Variants in PGS1 observed in about 807,000 individuals in gnomAD.
PGS1 encodes phosphatidylglycerophosphate synthase 1.
In PGS1, 44 loss-of-function variants were observed where a neutral mutation model predicts 58.3. The observed-to-expected ratio is 0.75, with a 90% CI of 0.59 to 0.97. PGS1 has a LOEUF of 0.97. PGS1 is among the 50% of genes least tolerant of loss of function. The pLI, the probability that PGS1 is intolerant of heterozygous loss-of-function variation, is 0.00. For missense variants in PGS1, 684 were observed against 731.1 expected (o/e 0.94, Z 0.74); for synonymous variants, 330 against 311.0 (o/e 1.06, Z -0.64).
intron 1 of PGS1, among the ~76,000 whole-genome samples, chr17:78,387,380 A>G (rs1189013515): frequency 6.9e-6 from 1 of 145,636 alleles, no homozygotes; most frequent in Non-Finnish European, 1.5e-5. Flanking sequence ...GCTCACTGCA[A>G]CCTCCGCCTC....
At chr17:78,396,185 A>C (rs1218352839) in intron 2 of PGS1, 123 bp from the exon 3 acceptor site, 1 of 718,042 alleles carries the variant, frequency 1.4e-6, no homozygotes, top group East Asian at 2.6e-5. Flanking sequence ...TTAAATATTA[A>C]TTGGTGAAGA....
At chr17:78,415,170 T>TC (rs1320478769) in intron 8 of PGS1, 143 bp downstream of exon 8, 2 of 927,722 alleles carry the variant, frequency 2.2e-6, no homozygotes, top group Non-Finnish European at 3.2e-6. Context: ...ACTCTGGGTC[T>TC]CCAAGAGTGC....
At position 78,403,661 on chromosome 17, in the gene PGS1, C is replaced by G. The variant is rs756905134; in HGVS notation, c.974C>G (p.Thr325Ser). Residue 325 changes from threonine to serine, a missense_variant, in exon 7 of 10, where the codon ACC (threonine) becomes AGC (serine). Transcript: ENST00000262764. Reference sequence around the variant, plus strand: ...CGCCAGCAGATGCTGCATGCCCAGACCTTCCACAGCAACTCTCTTTTGACC... The same window carrying G: ...CGCCAGCAGATGCTGCATGCCCAGAGCTTCCACAGCAACTCTCTTTTGACC... ...RTRQQMLHAQ[T>S]FHSNSLLTQE... The G allele has an allele frequency of 2.5e-6, 4 of 1,614,088 alleles. No homozygotes were observed. Among genetic ancestry groups the G allele is most frequent in the African/African-American group, 1.3e-5 (1 of 74,930 alleles).
chr17:78,388,179 G>A (rs1411615032), intron 1 of PGS1, among the ~76,000 whole-genome samples: 4 of 152,160 alleles, frequency 2.6e-5, no homozygotes, highest in African/African-American at 4.8e-5. Context: ...TGAGGCCCTC[G>A]TGGAACATTC....
chr17:78,402,277 T>A (rs1017219812), intron 6 of PGS1, among the ~76,000 whole-genome samples: 1 of 152,218 alleles, frequency 6.6e-6, no homozygotes, highest in African/African-American at 2.4e-5. Flanking sequence ...CTTCCCTGTT[T>A]CACTTCCCTG....
intron 7 of PGS1, among the ~76,000 whole-genome samples, chr17:78,406,173 C>T (rs1254108078): frequency 1.3e-5 from 2 of 152,062 alleles, no homozygotes; most frequent in Non-Finnish European, 2.9e-5. Context: ...AAAAAATTAG[C>T]GGGGCGTGGT....
chr17:78,382,274 G>A (rs970283043), intron 1 of PGS1, among the ~76,000 whole-genome samples: 19 of 152,294 alleles, frequency 1.2e-4, no homozygotes, highest in Admixed American at 5.9e-4. Flanking sequence ...AAGCCAGTCT[G>A]GGCCAGAGAC....
chr17:78,405,615 G>A (rs561056095), intron 7 of PGS1, among the ~76,000 whole-genome samples: 1 of 152,344 alleles, frequency 6.6e-6, no homozygotes, highest in African/African-American at 2.4e-5. Context: ...GTGCTTAGCA[G>A]TGGGCTTACT....
At chr17:78,412,025 C>T (rs2084759808) in intron 7 of PGS1, among the ~76,000 whole-genome samples, 1 of 149,552 alleles carries the variant, frequency 6.7e-6, no homozygotes, top group African/African-American at 2.5e-5. Context: ...TTTAGATTCC[C>T]CTTCTCCCGT....
chr17:78,391,653 T>G (rs1271376712), intron 1 of PGS1, among the ~76,000 whole-genome samples: 2 of 152,158 alleles, frequency 1.3e-5, no homozygotes, highest in African/African-American at 4.8e-5. Context: ...AATTTTTGTA[T>G]TTTTAGTAGA....
At position 78,403,982 on chromosome 17, in the gene PGS1, A is replaced by G. The variant is rs772705144; in HGVS notation, c.1295A>G (p.Tyr432Cys). The G allele has an allele frequency of 8.7e-6, 14 of 1,613,864 alleles. No individual in the cohort carries two copies. The highest frequency in any genetic ancestry group is 8.0e-5 in the African/African-American group (6 of 74,940). ...KGVAGAIPAA[Y>C]VHIERQFFSE... ...GTGGCCGGCGCCATCCCAGCGGCCT[A>G]TGTGCACATCGAGCGACAGTTCTTC... Residue 432 changes from tyrosine (Y) to cysteine (C), a missense_variant, in exon 7 of 10, where the codon TAT (tyrosine) becomes TGT (cysteine). By Grantham distance (194) the Tyr-to-Cys change is radical. Coordinates refer to ENST00000262764, the MANE Select transcript of PGS1 (RefSeq NM_024419.5).
At position 78,378,711 on chromosome 17, in the gene PGS1, C is replaced by G. The variant is rs2081809114; in HGVS notation, c.46C>G (p.Arg16Gly). 1 of 1,520,742 alleles carries G rather than the reference C, an allele frequency of 6.6e-7. No individual in the cohort carries two copies. Among genetic ancestry groups the G allele is most frequent in the Non-Finnish European group, 8.8e-7 (1 of 1,140,764 alleles). 94.2% of individuals were successfully genotyped at this position (1,520,742 alleles called of 1,614,324 possible). ...TGCGGCGGGACCCGTGTTCTGGAGG[C>G]GACTGCTGGGCCTCCTGCCTGGCCG... The part of the protein sequence containing the change: ...AAAAGPVFWR[R>G]LLGLLPGRPG... Residue 16 changes from arginine (R) to glycine (G), a missense_variant, in exon 1 of 10, where the codon CGA becomes GGA. Transcript: ENST00000262764.
rs780413522 is a variant in PGS1 at position 78,423,884 on chromosome 17, T to G, written c.*11-177T>G. ...AGTTGTGGTCCAGCCCCAGGGAGTGTGGGCTGTGAGGCAGGAGCGAGCTAA... is the reference window on the plus strand; with the variant it reads ...AGTTGTGGTCCAGCCCCAGGGAGTGGGGGCTGTGAGGCAGGAGCGAGCTAA... On this transcript the variant is annotated intron_variant, in intron 9 of 9. Transcript: ENST00000262764. The G allele has an allele frequency of 1.1e-5, 17 of 1,612,780 alleles. No individual in the cohort carries two copies. In the South Asian group the frequency reaches 1.9e-4, roughly 18 times the overall value.
chr17:78,412,360 C>A (rs1355204203), intron 7 of PGS1, among the ~76,000 whole-genome samples: 1 of 151,988 alleles, frequency 6.6e-6, no homozygotes, highest in Non-Finnish European at 1.5e-5. Flanking sequence ...CCTCTCAAAT[C>A]CTGAGCACTC....
chr17:78,399,096 G>T (rs963852699), intron 4 of PGS1, among the ~76,000 whole-genome samples: 1 of 152,232 alleles, frequency 6.6e-6, no homozygotes, highest in African/African-American at 2.4e-5. Context: ...GTTACCAGGA[G>T]AAGGGTGAAT....
At chr17:78,379,543 T>G (rs1222939955) in intron 1 of PGS1, among the ~76,000 whole-genome samples, 1 of 152,082 alleles carries the variant, frequency 6.6e-6, no homozygotes, top group African/African-American at 2.4e-5. Context: ...AAATAATTCT[T>G]GGCCGGGTGT....
intron 5 of PGS1, 94 bp downstream of exon 5, chr17:78,399,631 C>G: frequency 8.1e-7 from 1 of 1,237,800 alleles, no homozygotes; most frequent in South Asian, 1.3e-5. Context: ...TCCCCTCAGT[C>G]TTGGAGAACC....
intron 4 of PGS1, 152 bp downstream of exon 4, chr17:78,398,503 G>A (rs1003564434): frequency 1.6e-6 from 1 of 634,714 alleles, no homozygotes; most frequent in Non-Finnish European, 2.8e-6. Context: ...TGTGAGTTAG[G>A]ATTTTTTTCT....
chr17:78,392,696 G>T, intron 2 of PGS1, 31 bp downstream of exon 2: 5 of 1,590,152 alleles, frequency 3.1e-6, no homozygotes, highest in Non-Finnish European at 4.3e-6. Context: ...AGAAGTTTGA[G>T]TTAGAGCTTT....
Sources: allele counts gnomAD v4.1 joint callset (sites outside exome capture counted in the v4.1 genomes callset), GRCh38; gene constraint gnomAD v4.1.1; transcripts MANE v1.5; gene names NCBI Gene and HGNC (gene_info 2026-07-23, HGNC 2026-07-21).